The following TTLL11 variants were observed in gnomAD, a reference collection of about 807,000 sequenced individuals.
TTLL11 encodes tubulin polyglutamylase TTLL11.
A neutral mutation model predicts 51.7 loss-of-function variants in TTLL11; 42 were observed. The observed-to-expected ratio is 0.81, with a 90% CI of 0.64 to 1.05. The LOEUF is 1.05. Ranked by LOEUF, TTLL11 falls within the 50% of genes least tolerant of loss-of-function variation. TTLL11 has a pLI of 0.00. For synonymous variants in TTLL11, 381 were observed against 383.5 expected (o/e 0.99, Z 0.08); for missense variants, 799 against 940.4 (o/e 0.85, Z 1.97).
intron 4 of TTLL11, 45 bp from the exon 5 acceptor site, chr9:121,975,024 A>G (rs1200513005): frequency 7.2e-7 from 1 of 1,388,066 alleles, no homozygotes; most frequent in Non-Finnish European, 9.8e-7. Context: ...TCTATTGAGT[A>G]TGGTATTAGG....
At chr9:121,873,960 T>G (rs1380057049) in intron 6 of TTLL11, among the ~76,000 whole-genome samples, 1 of 151,048 alleles carries the variant, frequency 6.6e-6, no homozygotes, top group African/African-American at 2.4e-5. Flanking sequence ...TTCTCTTGTC[T>G]CAGCCTCCTG....
intron 6 of TTLL11, among the ~76,000 whole-genome samples, chr9:121,921,176 G>A (rs930304326): frequency 7.2e-5 from 11 of 152,292 alleles, no homozygotes; most frequent in South Asian, 2.1e-4. Context: ...AAAGACGTCC[G>A]TCAGATCACA....
At position 121,816,997 on chromosome 9, in the gene TTLL11, T is replaced by C. The variant is rs929386572; in HGVS notation, c.*5590A>G. The C allele has an allele frequency of 1.1e-4, 17 of 152,144 alleles. No individual in the cohort carries two copies. Among genetic ancestry groups the C allele is most frequent in the African/African-American group, 3.9e-4 (16 of 41,400 alleles). 9.4% of individuals were successfully genotyped at this position (152,144 alleles called of 1,614,324 possible). ...GGTTAATACACACGGTGGTGAATGA[T>C]CCCTCCGTGCGAGGAGGACAGCGCT... On this transcript the variant is annotated 3_prime_UTR_variant, in exon 9 of 9. Transcript: ENST00000321582.
rs529099778 is a variant in TTLL11, at chr9:122,072,929, G to A, written c.462+19758C>T. ...CAGGGTGTCATTTCTTTGTTTGCCC[G>A]TGCTTGGCAGGGTCCATGGCACAAA... On this transcript the variant is annotated intron_variant, in intron 1 of 8. Transcript: ENST00000321582. Among the ~76,000 whole-genome samples the A allele has an allele frequency of 4.6e-5, 7 of 152,316 alleles. No homozygotes were observed. The South Asian group carries it at 6.2e-4, about 14-fold the overall frequency.
Position 121,818,270 on chromosome 9 carries a change from G to A in TTLL11, c.*4317C>T, listed in dbSNP as rs1285863452. The A allele has an allele frequency of 6.6e-6, 1 of 152,348 alleles. No homozygotes were observed. Among genetic ancestry groups the A allele is most frequent in the Non-Finnish European group, 1.5e-5 (1 of 68,128 alleles). The allele number at this position is 152,348 out of a possible 1,614,324, so 9.4% of individuals were successfully genotyped here. On this transcript the variant is annotated 3_prime_UTR_variant, in exon 9 of 9. Transcript: ENST00000321582. ...CCTAGAGTCGGAGGAGCTATTATCT[G>A]TTTACGGACACAGGACAGCTGCCGT...
chr9:122,054,083 C>T (rs551610544), intron 1 of TTLL11, among the ~76,000 whole-genome samples: 3 of 150,732 alleles, frequency 2.0e-5, no homozygotes, highest in Non-Finnish European at 4.4e-5. Context: ...AAATATGATA[C>T]CCCGGGTAAG....
At chr9:122,031,636 CCT>C in intron 3 of TTLL11, 85 bp downstream of exon 3, 2 of 1,502,054 alleles carry the variant, frequency 1.3e-6, no homozygotes, top group South Asian at 2.7e-5. Context: ...CCTGGGACCC[CCT>C]GTCCCAGCTC....
chr9:122,022,914 T>C (rs1012153620), intron 3 of TTLL11, among the ~76,000 whole-genome samples: 2 of 151,910 alleles, frequency 1.3e-5, no homozygotes, highest in Non-Finnish European at 2.9e-5. Context: ...GTTCTCATAC[T>C]ATAAATAAAA....
intron 3 of TTLL11, among the ~76,000 whole-genome samples, chr9:122,020,426 T>A (rs1588211290): frequency 6.6e-6 from 1 of 152,180 alleles, no homozygotes; most frequent in African/African-American, 2.4e-5. Flanking sequence ...TATTTAAATA[T>A]CCTCCCACAT....
intron 6 of TTLL11, among the ~76,000 whole-genome samples, chr9:121,876,402 C>T (rs1296101593): frequency 3.3e-5 from 5 of 152,188 alleles, no homozygotes; most frequent in Admixed American, 2.6e-4. Context: ...CACTCACATG[C>T]CCCAGGGGCC....
chr9:121,941,962 G>T (rs1359217898), intron 6 of TTLL11, among the ~76,000 whole-genome samples: 1 of 152,090 alleles, frequency 6.6e-6, no homozygotes, highest in Non-Finnish European at 1.5e-5. Context: ...TGCAGAGATT[G>T]TTCAAGCCAT....
intron 1 of TTLL11, among the ~76,000 whole-genome samples, chr9:122,085,865 C>A (rs1311786458): frequency 6.6e-6 from 1 of 152,184 alleles, no homozygotes; most frequent in African/African-American, 2.4e-5. Context: ...TTTAGTCACA[C>A]AAGCAATCAG....
intron 6 of TTLL11, among the ~76,000 whole-genome samples, chr9:121,899,355 A>G (rs185869653): frequency 0.094 from 12,954 of 137,520 alleles, 750 homozygotes; most frequent in Admixed American, 0.19. Context: ...GTGTGTGTGT[A>G]TGTGTGTGTG....
At chr9:121,844,707 A>T (rs1311254349) in intron 8 of TTLL11, among the ~76,000 whole-genome samples, 1 of 152,196 alleles carries the variant, frequency 6.6e-6, no homozygotes, top group Non-Finnish European at 1.5e-5. Flanking sequence ...AATAAAAAAC[A>T]TTATAACAGA....
At chr9:121,872,054 T>A (rs1007795945) in intron 6 of TTLL11, among the ~76,000 whole-genome samples, 7 of 152,238 alleles carry the variant, frequency 4.6e-5, no homozygotes, top group African/African-American at 1.4e-4. Flanking sequence ...GAAGTTAGGA[T>A]GACGTCTCGT....
chr9:121,969,073 T>C (rs1053487702), intron 6 of TTLL11, among the ~76,000 whole-genome samples: 8 of 152,174 alleles, frequency 5.3e-5, no homozygotes, highest in African/African-American at 1.9e-4. Context: ...TTTCACCATG[T>C]TGGCCAGGCT....
intron 3 of TTLL11, among the ~76,000 whole-genome samples, chr9:121,999,588 T>C (rs1345014737): frequency 6.6e-6 from 1 of 152,206 alleles, no homozygotes; most frequent in Admixed American, 6.5e-5. Context: ...AATAGCTTCC[T>C]AGGTGACCTG....
Position 121,880,716 on chromosome 9 carries a change from TC to T in TTLL11, c.1482-9969del, listed in dbSNP as rs558305891. On this transcript the variant is annotated intron_variant, in intron 6 of 8. Coordinates refer to ENST00000321582, the MANE Select transcript of TTLL11 (RefSeq NM_001139442.2). ...ACTATACCTACAGCCCCAGCACAGC[TC>T]CCAGTACGCAGTAGGTGCTTAAAAA... 4.4e-3 allele frequency among the ~76,000 whole-genome samples: 676 copies of T among 152,334 alleles called. 5 individuals are homozygous for T. Among genetic ancestry groups the T allele is most frequent in the African/African-American group, 0.015 (628 of 41,572 alleles).
At chr9:121,921,307 G>A (rs1840533738) in intron 6 of TTLL11, among the ~76,000 whole-genome samples, 1 of 152,164 alleles carries the variant, frequency 6.6e-6, no homozygotes, top group South Asian at 2.1e-4. Context: ...CATATCACAA[G>A]GCCAGTAGGC....
Sources: allele counts gnomAD v4.1 joint callset (sites outside exome capture counted in the v4.1 genomes callset), GRCh38; gene constraint gnomAD v4.1.1; transcripts MANE v1.5; gene names NCBI Gene and HGNC (gene_info 2026-07-23, HGNC 2026-07-21).